The following SBF2 variants were observed in gnomAD, a reference collection of about 807,000 sequenced individuals.
The protein encoded by SBF2 is SET binding factor 2.
In SBF2, 112 loss-of-function variants were observed where a neutral mutation model predicts 225.2. The observed-to-expected ratio is 0.50, with a 90% CI of 0.43 to 0.58. The LOEUF is 0.58. Ranked by LOEUF, SBF2 falls within the 20% of genes least tolerant of loss-of-function variation. The pLI, the probability that SBF2 is intolerant of heterozygous loss-of-function variation, is 0.00. For synonymous variants in SBF2, 763 were observed against 773.3 expected (o/e 0.99, Z 0.22); for missense variants, 1,996 against 2,206.2 (o/e 0.90, Z 1.91).
At chr11:10,285,843 C>G (rs536351300) in intron 1 of SBF2, among the ~76,000 whole-genome samples, 1 of 152,236 alleles carries the variant, frequency 6.6e-6, no homozygotes, top group South Asian at 2.1e-4. Flanking sequence ...CCACCAATAA[C>G]AGTAAGAAGT....
At chr11:9,955,068 T>C (rs1435380727) in intron 16 of SBF2, among the ~76,000 whole-genome samples, 2 of 152,060 alleles carry the variant, frequency 1.3e-5, no homozygotes, top group Non-Finnish European at 2.9e-5. Context: ...GTTCTTCTCA[T>C]AGGATGCTAA....
At chr11:10,273,080 AAT>A (rs1345674650) in intron 1 of SBF2, among the ~76,000 whole-genome samples, 1 of 142,968 alleles carries the variant, frequency 7.0e-6, no homozygotes. Context: ...CGAAAAAAAA[AAT>A]AAATAAATAA....
intron 26 of SBF2, among the ~76,000 whole-genome samples, chr11:9,833,774 CT>C (rs35133643): frequency 0.094 from 11,991 of 127,540 alleles, 477 homozygotes; most frequent in East Asian, 0.16. Context: ...TCATGCTATC[CT>C]TTTTTTTTTT....
chr11:9,870,972 GAAA>G (rs35752884), intron 17 of SBF2, among the ~76,000 whole-genome samples: 51 of 106,542 alleles, frequency 4.8e-4, no homozygotes, highest in African/African-American at 5.7e-4. Context: ...GAATCCGTCT[GAAA>G]AAAAAAAAAA....
intron 2 of SBF2, among the ~76,000 whole-genome samples, chr11:10,051,738 T>C (rs1303604576): frequency 2.0e-5 from 3 of 152,004 alleles, no homozygotes; most frequent in Non-Finnish European, 4.4e-5. Context: ...TGTTACACAG[T>C]TTACAAAAAT....
rs1424464426 is a variant in SBF2 at position 9,967,976 on chromosome 11, TATATATATATATATAAA to T, written c.1600+348_1600+364del. On this transcript the variant is annotated intron_variant, in intron 14 of 39. Coordinates refer to ENST00000256190, the MANE Select transcript of SBF2 (RefSeq NM_030962.4). The stretch of plus-strand genomic sequence containing the variant: ...CTCTCTCTCTCTCTCTCTCTCTATA[TATATATATATATATAAA>T]ATATATATATATTCTCAAATTAAAT... Among the ~76,000 whole-genome samples the T allele has an allele frequency of 7.7e-3, 659 of 85,208 alleles. 21 individuals are homozygous for T. The highest frequency in any genetic ancestry group is 0.054 in the Admixed American group (399 of 7,374). 55.9% of individuals were successfully genotyped at this position (85,208 alleles called of 152,430 possible).
chr11:9,952,497 C>T (rs139908643), intron 16 of SBF2, among the ~76,000 whole-genome samples: 96 of 152,258 alleles, frequency 6.3e-4, no homozygotes, highest in African/African-American at 2.2e-3. Flanking sequence ...TGCCTCAAGG[C>T]TTTTCCCGCT....
intron 26 of SBF2, among the ~76,000 whole-genome samples, chr11:9,836,275 G>A (rs1855730737): frequency 1.3e-5 from 2 of 152,054 alleles, no homozygotes; most frequent in Admixed American, 6.5e-5. Context: ...CAAACCTATT[G>A]TTTTATTGTT....
At chr11:10,158,326 A>T (rs902781194) in intron 2 of SBF2, among the ~76,000 whole-genome samples, 3 of 152,092 alleles carry the variant, frequency 2.0e-5, no homozygotes, top group African/African-American at 7.2e-5. Flanking sequence ...AGAAAATAAT[A>T]AAGATTAGAG....
chr11:9,837,378 T>C (rs1474039156), intron 26 of SBF2, among the ~76,000 whole-genome samples: 1 of 152,236 alleles, frequency 6.6e-6, no homozygotes, highest in Non-Finnish European at 1.5e-5. Flanking sequence ...AGAATTTACA[T>C]AAATAAATTT....
At chr11:10,223,356 G>T (rs1161482113) in intron 1 of SBF2, among the ~76,000 whole-genome samples, 1 of 136,782 alleles carries the variant, frequency 7.3e-6, no homozygotes, top group Non-Finnish European at 1.5e-5. Flanking sequence ...AGAGCCTACT[G>T]CTGACCAGAA....
At chr11:10,052,532 T>G (rs1010885418) in intron 2 of SBF2, among the ~76,000 whole-genome samples, 2 of 152,198 alleles carry the variant, frequency 1.3e-5, no homozygotes, top group African/African-American at 4.8e-5. Flanking sequence ...TACTTCAAGT[T>G]TGCAAGGCTG....
intron 6 of SBF2, among the ~76,000 whole-genome samples, chr11:10,010,814 T>C (rs2134552222): frequency 6.6e-6 from 1 of 152,362 alleles, no homozygotes; most frequent in Non-Finnish European, 1.5e-5. Context: ...ATTGAATCTA[T>C]AAATTACTTT....
At chr11:9,982,305 T>C (rs1281601037) in intron 13 of SBF2, among the ~76,000 whole-genome samples, 1 of 152,248 alleles carries the variant, frequency 6.6e-6, no homozygotes, top group Non-Finnish European at 1.5e-5. Context: ...CTAATCTTTA[T>C]GTCTTACAAG....
chr11:9,968,076 T>C (rs1204593059), intron 14 of SBF2, among the ~76,000 whole-genome samples: 4 of 151,620 alleles, frequency 2.6e-5, no homozygotes, highest in Non-Finnish European at 5.9e-5. Flanking sequence ...TCGCACATTT[T>C]ACATTGGTGA....
At chr11:9,994,141 T>G (rs1947563317) in intron 9 of SBF2, 143 bp from the exon 10 acceptor site, 2 of 722,520 alleles carry the variant, frequency 2.8e-6, no homozygotes, top group Admixed American at 4.6e-5. Flanking sequence ...TAGTTCTATA[T>G]GTACTATTGT....
In SBF2 at chr11:10,290,002, C is replaced by T. The variant is rs138318151; in HGVS notation, c.55+4013G>A. Among the ~76,000 whole-genome samples the T allele has an allele frequency of 4.9e-3, 746 of 152,300 alleles. 5 individuals carry two copies. Among genetic ancestry groups the T allele is most frequent in the African/African-American group, 0.017 (710 of 41,564 alleles). On this transcript the variant is annotated intron_variant, in intron 1 of 39. Coordinates refer to ENST00000256190, the MANE Select transcript of SBF2 (RefSeq NM_030962.4). ...AGCATCATTGCTGCTCCCATAGCCG[C>T]TCCTGACACCACCGCCCGCACCTCT... is the stretch of plus-strand genomic sequence containing the variant.
In SBF2 at chr11:9,852,715, T is replaced by C. The variant is rs1425942090; in HGVS notation, c.2571A>G (p.Ala857=). The stretch of plus-strand genomic sequence containing the variant: ...GAAGTCTTCTGCTTTCTCGATGTAC[T>C]GCTTCTAGGGTCTCAATGTGCATAG... The part of the protein sequence containing the change: ...IVAMHIETLE[A]VHRESRRLPP... Residue 857 remains alanine (A), a synonymous_variant, in exon 21 of 40, where the codon GCA becomes GCG. Transcript: ENST00000256190. 4 of 1,613,548 alleles carry C rather than the reference T, an allele frequency of 2.5e-6. No homozygotes were observed. The highest frequency in any genetic ancestry group is 3.4e-6 in the Non-Finnish European group (4 of 1,179,524).
At chr11:10,055,208 G>C (rs1388381425) in intron 2 of SBF2, among the ~76,000 whole-genome samples, 2 of 152,052 alleles carry the variant, frequency 1.3e-5, no homozygotes, top group Non-Finnish European at 2.9e-5. Context: ...GGTCAGAATG[G>C]CTATTATTAA....
Sources: gnomAD v4.1 joint callset for allele counts (sites outside exome capture counted in the v4.1 genomes callset) on GRCh38, gnomAD v4.1.1 for gene constraint, MANE v1.5 for transcripts, NCBI Gene and HGNC (gene_info 2026-07-23, HGNC 2026-07-21) for gene names.